Variants in FOXP2 observed in about 807,000 individuals in gnomAD.
FOXP2 encodes the protein forkhead box P2.
FOXP2 carries 12 observed loss-of-function variants against 115.8 expected under a neutral mutation model. The ratio of observed to expected loss-of-function variants is 0.10; its 90% CI spans 0.07 to 0.17. FOXP2 has a LOEUF of 0.17. Ranked by LOEUF, FOXP2 falls within the 10% of genes least tolerant of loss-of-function variation. The probability of loss-of-function intolerance (pLI) is 1.00; values close to 1 mark genes in which losing one functional copy is unlikely to be tolerated. For synonymous variants in FOXP2, 328 were observed against 297.7 expected, an observed-to-expected ratio of 1.10 and a Z score of -1.05; for missense variants, 629 against 843.5, an observed-to-expected ratio of 0.75 and a Z score of 3.15.
chr7:114,394,568 T>G (rs1035337172), intron 2 of FOXP2, among the ~76,000 whole-genome samples: 5 of 152,122 alleles, frequency 3.3e-5, no homozygotes, highest in Admixed American at 6.6e-5. Context: ...CTGGCAGATA[T>G]CACTTTAATC....
intron 1 of FOXP2, among the ~76,000 whole-genome samples, chr7:114,187,537 T>C (rs1339279031): frequency 6.6e-6 from 1 of 152,148 alleles, no homozygotes; most frequent in Non-Finnish European, 1.5e-5. Context: ...AGATTCAGAT[T>C]TTTCCCTACA....
chr7:114,124,918 G>A (rs1791665751), intron 1 of FOXP2, among the ~76,000 whole-genome samples: 1 of 151,964 alleles, frequency 6.6e-6, no homozygotes. Context: ...GCAACTCTGT[G>A]AGGCATACGT....
intron 6 of FOXP2, among the ~76,000 whole-genome samples, chr7:114,638,512 A>G (rs186753527): frequency 4.3e-4 from 65 of 152,330 alleles, no homozygotes; most frequent in African/African-American, 1.5e-3. Flanking sequence ...TCAAAATTGT[A>G]CAAAATCGAT....
intron 1 of FOXP2, among the ~76,000 whole-genome samples, chr7:114,182,707 G>T (rs1211157009): frequency 6.6e-6 from 1 of 151,190 alleles, no homozygotes; most frequent in East Asian, 1.9e-4. Context: ...TACGTCTATA[G>T]AAATAGAATT....
chr7:114,403,440 T>A (rs540668871), intron 2 of FOXP2, among the ~76,000 whole-genome samples: 4 of 152,350 alleles, frequency 2.6e-5, no homozygotes, highest in African/African-American at 9.6e-5. Context: ...CGAGGTTTAA[T>A]AGTTAACTAA....
intron 2 of FOXP2, among the ~76,000 whole-genome samples, chr7:114,320,910 A>G (rs978753773): frequency 6.6e-6 from 1 of 152,152 alleles, no homozygotes; most frequent in Non-Finnish European, 1.5e-5. Flanking sequence ...TAAGCTAAAG[A>G]TTTCCACCTC....
chr7:114,334,303 C>A (rs971581830), intron 2 of FOXP2, among the ~76,000 whole-genome samples: 15 of 151,508 alleles, frequency 9.9e-5, no homozygotes, highest in Admixed American at 9.2e-4. Flanking sequence ...ACACACCTGT[C>A]CTTAAAGTGT....
chr7:114,569,801 A>G (rs1801200875), intron 3 of FOXP2, among the ~76,000 whole-genome samples: 1 of 151,928 alleles, frequency 6.6e-6, no homozygotes, highest in Non-Finnish European at 1.5e-5. Context: ...TATACAATCC[A>G]TTTCTTAAAC....
chr7:114,328,376 A>G (rs918053008), intron 2 of FOXP2, among the ~76,000 whole-genome samples: 2 of 151,630 alleles, frequency 1.3e-5, no homozygotes, highest in Admixed American at 6.6e-5. Context: ...AGCTGGGACT[A>G]CAGGTGCCCG....
At chr7:114,688,682 C>T (rs755057020) in intron 16 of FOXP2, among the ~76,000 whole-genome samples, 1 of 152,134 alleles carries the variant, frequency 6.6e-6, no homozygotes, top group Non-Finnish European at 1.5e-5. Context: ...TTGTTAGTTG[C>T]CCACTTCCCC....
At chr7:114,507,557 A>T (rs947395948) in intron 2 of FOXP2, among the ~76,000 whole-genome samples, 5 of 151,970 alleles carry the variant, frequency 3.3e-5, no homozygotes, top group African/African-American at 1.2e-4. Context: ...TTCGCAAAAA[A>T]ATGAAAAGTC....
chr7:114,219,610 T>G (rs78770621), intron 1 of FOXP2, among the ~76,000 whole-genome samples: 1 of 152,314 alleles, frequency 6.6e-6, no homozygotes, highest in East Asian at 1.9e-4. Context: ...ATCTGTTTTA[T>G]TTATTTGTTT....
chr7:114,541,654 T>C (rs1030609682), intron 3 of FOXP2, among the ~76,000 whole-genome samples: 1 of 151,792 alleles, frequency 6.6e-6, no homozygotes, highest in Non-Finnish European at 1.5e-5. Flanking sequence ...AATTAATAAA[T>C]GTACTTTTGC....
Position 114,277,192 on chromosome 7 carries a change from A to AT in FOXP2, c.-101-10823dup. 2.0e-5 allele frequency among the ~76,000 whole-genome samples: 3 copies of AT among 152,256 alleles called. No homozygotes were observed. In the Middle Eastern group the frequency reaches 0.01, roughly 518 times the overall value. ...TAGCAAGGTTGAATCATTGAGAAAC[A>AT]TTTTCAGTAGCTAAATGAATATGTT... On this transcript the variant is annotated intron_variant, in intron 1 of 17. Transcript: ENST00000634411.
intron 1 of FOXP2, among the ~76,000 whole-genome samples, chr7:114,090,425 C>T (rs771107866): frequency 7.2e-5 from 11 of 151,832 alleles, no homozygotes; most frequent in Non-Finnish European, 1.5e-4. Flanking sequence ...ATTCATACTA[C>T]TCTTTGATAA....
intron 2 of FOXP2, among the ~76,000 whole-genome samples, chr7:114,531,583 T>C (rs988270553): frequency 4.6e-5 from 7 of 151,894 alleles, no homozygotes; most frequent in African/African-American, 1.7e-4. Context: ...ATTCCTGATC[T>C]CCTAGAATTG....
intron 16 of FOXP2, among the ~76,000 whole-genome samples, chr7:114,685,970 GT>G (rs530289364): frequency 3.1e-4 from 45 of 144,062 alleles, no homozygotes; most frequent in East Asian, 2.0e-3. Flanking sequence ...GAAAACCGGT[GT>G]TTTTTTTTTT....
intron 1 of FOXP2, among the ~76,000 whole-genome samples, chr7:114,096,073 C>G (rs769374437): frequency 6.6e-5 from 10 of 152,114 alleles, no homozygotes; most frequent in Non-Finnish European, 1.3e-4. Context: ...CTTTCCCAGT[C>G]CCCATCACGT....
At chr7:114,253,595 T>C (rs1795514458) in intron 1 of FOXP2, among the ~76,000 whole-genome samples, 1 of 152,218 alleles carries the variant, frequency 6.6e-6, no homozygotes, top group Admixed American at 6.5e-5. Flanking sequence ...GTCTGTTTTA[T>C]CAGAGACTAG....
Sources: allele counts gnomAD v4.1 joint callset (sites outside exome capture counted in the v4.1 genomes callset), GRCh38; gene constraint gnomAD v4.1.1; transcripts MANE v1.5; gene names NCBI Gene and HGNC (gene_info 2026-07-23, HGNC 2026-07-21).